Variants in ITGBL1 observed in about 807,000 individuals in gnomAD.
The protein encoded by ITGBL1 is integrin subunit beta like 1.
In ITGBL1, 51 loss-of-function variants were observed where a neutral mutation model predicts 68.5. That is an observed-to-expected ratio of 0.74 (90% CI 0.59 to 0.94). The LOEUF is 0.94. ITGBL1 is among the 40% of genes least tolerant of loss of function. The pLI, the probability that ITGBL1 is intolerant of heterozygous loss-of-function variation, is 0.00. For synonymous variants in ITGBL1, 209 were observed against 227.3 expected (o/e 0.92, Z 0.72); for missense variants, 649 against 647.4 (o/e 1.00, Z -0.03).
chr13:101,473,776 A>T lies in ITGBL1; in HGVS notation c.316+19676A>T, dbSNP rs930012752. Among the ~76,000 whole-genome samples, 4 of 152,126 alleles carry T rather than the reference A, an allele frequency of 2.6e-5. 1 individual carries two copies. Among genetic ancestry groups the T allele is most frequent in the Non-Finnish European group, 5.9e-5 (4 of 68,030 alleles). ...AAGAGGAATTTGTCTTACAACTTGCATACCAGCTCAGCCACAATAAAATAG... is the reference window on the plus strand; with the variant it reads ...AAGAGGAATTTGTCTTACAACTTGCTTACCAGCTCAGCCACAATAAAATAG... On this transcript the variant is annotated intron_variant, in intron 2 of 10. Transcript: ENST00000376180.
At position 101,662,944 on chromosome 13, in the gene ITGBL1, A is replaced by G. The variant is rs576033639; in HGVS notation, c.1016-29641A>G. On this transcript the variant is annotated intron_variant, in intron 7 of 10. Transcript: ENST00000376180. ...GATATAATTTACAAATCTAATTTTC[A>G]TAGTTCTGGATCACTTATTGCCCCA... Among the ~76,000 whole-genome samples the G allele has an allele frequency of 5.3e-5, 8 of 152,132 alleles. 1 individual carries two copies. The highest frequency in any genetic ancestry group is 1.7e-4 in the African/African-American group (7 of 41,502).
chr13:101,485,726 A>G (rs1168403150), intron 2 of ITGBL1, among the ~76,000 whole-genome samples: 1 of 152,154 alleles, frequency 6.6e-6, no homozygotes, highest in African/African-American at 2.4e-5. Flanking sequence ...CGGGAGGCAG[A>G]GCTTGCAGTG....
intron 7 of ITGBL1, among the ~76,000 whole-genome samples, chr13:101,689,360 C>T (rs920084458): frequency 1.1e-4 from 16 of 151,752 alleles, no homozygotes; most frequent in South Asian, 2.1e-4. Context: ...GGAAATTTAC[C>T]TGATAGGTAT....
chr13:101,602,904 CTTCA>C (rs1323834764), intron 7 of ITGBL1, among the ~76,000 whole-genome samples: 1 of 151,900 alleles, frequency 6.6e-6, no homozygotes, highest in Non-Finnish European at 1.5e-5. Context: ...TATGTCAGTC[CTTCA>C]TTGCTTTTTA....
chr13:101,702,132 A>T (rs1346564490), intron 8 of ITGBL1, among the ~76,000 whole-genome samples: 2 of 152,218 alleles, frequency 1.3e-5, no homozygotes, highest in Non-Finnish European at 2.9e-5. Flanking sequence ...CCAGGTTATC[A>T]GATTCTTGGA....
intron 2 of ITGBL1, among the ~76,000 whole-genome samples, chr13:101,469,498 A>G (rs1002651551): frequency 2.0e-5 from 3 of 152,206 alleles, no homozygotes; most frequent in Non-Finnish European, 4.4e-5. Context: ...CCTGGCCAAC[A>G]TGGGTGAAAC....
intron 3 of ITGBL1, among the ~76,000 whole-genome samples, chr13:101,570,704 G>A (rs1174113195): frequency 6.6e-6 from 1 of 152,124 alleles, no homozygotes; most frequent in Non-Finnish European, 1.5e-5. Context: ...TAGTTGGTTG[G>A]CTAATGTTAT....
chr13:101,569,025 A>ACACACACAC (rs2050227306), intron 3 of ITGBL1, among the ~76,000 whole-genome samples: 4 of 103,648 alleles, frequency 3.9e-5, no homozygotes, highest in Non-Finnish European at 3.8e-5. Context: ...CACCCCTCCA[A>ACACACACAC]ACACACACAC....
intron 7 of ITGBL1, among the ~76,000 whole-genome samples, chr13:101,648,122 A>C (rs1191242653): frequency 6.6e-6 from 1 of 152,136 alleles, no homozygotes; most frequent in Non-Finnish European, 1.5e-5. Flanking sequence ...CAATAGGATA[A>C]ATTATTTCAG....
chr13:101,541,596 T>G (rs2049704100), intron 2 of ITGBL1, among the ~76,000 whole-genome samples: 2 of 152,182 alleles, frequency 1.3e-5, no homozygotes, highest in African/African-American at 4.8e-5. Context: ...ATTCCCTCTT[T>G]TTCTGTTGAT....
chr13:101,614,843 T>C (rs2031285442), intron 7 of ITGBL1, among the ~76,000 whole-genome samples: 1 of 152,122 alleles, frequency 6.6e-6, no homozygotes, highest in African/African-American at 2.4e-5. Flanking sequence ...AAACCCTTCA[T>C]TTGCATAGTG....
At chr13:101,681,543 C>T (rs1459493943) in intron 7 of ITGBL1, among the ~76,000 whole-genome samples, 2 of 152,066 alleles carry the variant, frequency 1.3e-5, no homozygotes, top group Admixed American at 6.6e-5. Flanking sequence ...GGTTAGTGGG[C>T]GACTGTGTCT....
chr13:101,520,684 C>T (rs1469192709), intron 2 of ITGBL1, among the ~76,000 whole-genome samples: 1 of 152,150 alleles, frequency 6.6e-6, no homozygotes, highest in Non-Finnish European at 1.5e-5. Flanking sequence ...GGCTGCCTCG[C>T]TGGAACCAAG....
chr13:101,618,267 CTT>C (rs1379525602), intron 7 of ITGBL1, among the ~76,000 whole-genome samples: 1 of 152,162 alleles, frequency 6.6e-6, no homozygotes, highest in East Asian at 1.9e-4. Flanking sequence ...AGATCAAAGA[CTT>C]AGCAACAAAA....
At chr13:101,643,896 A>T (rs891119148) in intron 7 of ITGBL1, among the ~76,000 whole-genome samples, 10 of 152,196 alleles carry the variant, frequency 6.6e-5, no homozygotes, top group African/African-American at 2.4e-4. Context: ...TTCTCAATGA[A>T]TACCAAGCTC....
chr13:101,596,677 C>T (rs1003547382), intron 6 of ITGBL1, among the ~76,000 whole-genome samples: 1 of 152,020 alleles, frequency 6.6e-6, no homozygotes, highest in Non-Finnish European at 1.5e-5. Context: ...GGTTGTGAGA[C>T]CTTAATAAAT....
At chr13:101,463,989 A>G (rs1011874747) in intron 2 of ITGBL1, among the ~76,000 whole-genome samples, 1 of 149,486 alleles carries the variant, frequency 6.7e-6, no homozygotes, top group Non-Finnish European at 1.5e-5. Flanking sequence ...GCTCACTGCA[A>G]CCTCCACCCC....
intron 7 of ITGBL1, among the ~76,000 whole-genome samples, chr13:101,680,945 A>C (rs192997421): frequency 8.7e-4 from 132 of 152,256 alleles, no homozygotes; most frequent in Non-Finnish European, 1.6e-3. Flanking sequence ...ACTCAACCCC[A>C]CATTATCTTT....
chr13:101,678,916 AT>A (rs36009434), intron 7 of ITGBL1, among the ~76,000 whole-genome samples: 20 of 149,156 alleles, frequency 1.3e-4, no homozygotes, highest in African/African-American at 4.4e-4. Context: ...ACTTTTTTTA[AT>A]TTTTTTTTTT....
Sources: gnomAD v4.1 joint callset for allele counts (sites outside exome capture counted in the v4.1 genomes callset) on GRCh38, gnomAD v4.1.1 for gene constraint, MANE v1.5 for transcripts, NCBI Gene and HGNC (gene_info 2026-07-23, HGNC 2026-07-21) for gene names.